Variants in AKR1C8 observed in about 807,000 individuals in gnomAD.
AKR1C8 encodes aldo-keto reductase family 1 member C-like protein 1.
chr10:5,135,472 T>C, the AKR1C8 span, among the ~76,000 whole-genome samples: 44,146 of 152,044 alleles, frequency 0.29, 7,100 homozygotes, highest in Non-Finnish European at 0.36. Flanking sequence ...AGAATAAAAT[T>C]ATTATTTTCT....
chr10:5,138,019 C>A, the AKR1C8 span, among the ~76,000 whole-genome samples: 11 of 151,698 alleles, frequency 7.3e-5, no homozygotes, highest in African/African-American at 2.4e-4. Flanking sequence ...AAGGGTCCAA[C>A]AAAGATCATA....
At chr10:5,125,171 T>G in the AKR1C8 span, among the ~76,000 whole-genome samples, 1 of 152,184 alleles carries the variant, frequency 6.6e-6, no homozygotes, top group Admixed American at 6.6e-5. Context: ...GTACTTAATA[T>G]CTTTTTATAT....
At chr10:5,150,693 T>C in the AKR1C8 span, among the ~76,000 whole-genome samples, 1 of 152,002 alleles carries the variant, frequency 6.6e-6, no homozygotes, top group Admixed American at 6.6e-5. Flanking sequence ...CAAAATAAAG[T>C]CACAGATCAC....
At chr10:5,148,382 C>T in the AKR1C8 span, among the ~76,000 whole-genome samples, 4 of 152,032 alleles carry the variant, frequency 2.6e-5, no homozygotes, top group Non-Finnish European at 5.9e-5. Flanking sequence ...CAAAAAGTAA[C>T]CCAGGCAGAT....
chr10:5,118,084 A>G, the AKR1C8 span, among the ~76,000 whole-genome samples: 1 of 152,188 alleles, frequency 6.6e-6, no homozygotes, highest in South Asian at 2.1e-4. Context: ...TTAAAATTCC[A>G]AAGTATAAAA....
At chr10:5,145,397 G>C in the AKR1C8 span, among the ~76,000 whole-genome samples, 7 of 152,136 alleles carry the variant, frequency 4.6e-5, no homozygotes, top group Non-Finnish European at 7.4e-5. Context: ...ACTACCATCA[G>C]AGTGAACAGG....
chr10:5,173,626 C>A, the AKR1C8 span, among the ~76,000 whole-genome samples: 1 of 147,094 alleles, frequency 6.8e-6, no homozygotes, highest in Non-Finnish European at 1.5e-5. Flanking sequence ...AACCGAAAAG[C>A]CAGACATACT....
the AKR1C8 span, among the ~76,000 whole-genome samples, chr10:5,169,307 AG>A: frequency 6.6e-6 from 1 of 152,072 alleles, no homozygotes; most frequent in Non-Finnish European, 1.5e-5. Context: ...GAAAGGACAA[AG>A]GGTAATGTGT....
chr10:5,160,672 G>C, the AKR1C8 span: 2 of 374,088 alleles, frequency 5.3e-6, no homozygotes, highest in South Asian at 4.1e-5. Context: ...TCACTTCACA[G>C]ATGAGAACAC....
chr10:5,161,227 A>G, the AKR1C8 span, among the ~76,000 whole-genome samples: 9 of 152,168 alleles, frequency 5.9e-5, no homozygotes, highest in Non-Finnish European at 5.9e-5. Context: ...GTTGGAATTC[A>G]TTTTGTTTCC....
the AKR1C8 span, among the ~76,000 whole-genome samples, chr10:5,169,873 CTTAG>C: frequency 6.0e-4 from 92 of 152,136 alleles, no homozygotes; most frequent in African/African-American, 2.1e-3. Context: ...GTAATTTTCA[CTTAG>C]TTACTTACTT....
chr10:5,161,261 C>T, the AKR1C8 span, among the ~76,000 whole-genome samples: 2 of 152,136 alleles, frequency 1.3e-5, no homozygotes, highest in African/African-American at 4.8e-5. Context: ...GTGTGGAGGA[C>T]AGTGCTTAAT....
chr10:5,154,387 TATA>T, the AKR1C8 span: 1 of 239,876 alleles, frequency 4.2e-6, no homozygotes, highest in Non-Finnish European at 8.9e-6. Context: ...CTTATTTAAA[TATA>T]ATCATAAAGA....
chr10:5,157,911 C>T, the AKR1C8 span: 2 of 353,734 alleles, frequency 5.7e-6, no homozygotes, highest in Non-Finnish European at 1.1e-5. Context: ...GGGCACAATA[C>T]AATTTGATTT....
chr10:5,141,471 T>C, the AKR1C8 span, among the ~76,000 whole-genome samples: 1 of 152,184 alleles, frequency 6.6e-6, no homozygotes, highest in African/African-American at 2.4e-5. Flanking sequence ...TGCTGAATTC[T>C]TTCCAGAAGG....
the AKR1C8 span, chr10:5,132,674 C>G: frequency 1.9e-6 from 3 of 1,592,702 alleles, no homozygotes; most frequent in Admixed American, 3.4e-5. Flanking sequence ...CCAGTCCAAC[C>G]TGCTCCTCAT....
chr10:5,180,378 G>T, the AKR1C8 span, among the ~76,000 whole-genome samples: 5 of 152,232 alleles, frequency 3.3e-5, no homozygotes, highest in African/African-American at 1.2e-4. Flanking sequence ...GTGTCAGTCT[G>T]CCCCTACTGG....
At chr10:5,142,474 A>G in the AKR1C8 span, among the ~76,000 whole-genome samples, 1 of 152,164 alleles carries the variant, frequency 6.6e-6, no homozygotes, top group Non-Finnish European at 1.5e-5. Context: ...GCATTCCTCA[A>G]TAAGCTTAAT....
chr10:5,182,779 A>G, the AKR1C8 span, among the ~76,000 whole-genome samples: 1 of 151,930 alleles, frequency 6.6e-6, no homozygotes, highest in East Asian at 1.9e-4. Context: ...GTGTGGCAGC[A>G]TGCACCTGTA....
Sources: allele counts gnomAD v4.1 joint callset (sites outside exome capture counted in the v4.1 genomes callset), GRCh38; gene constraint gnomAD v4.1.1; transcripts MANE v1.5; gene names NCBI Gene and HGNC (gene_info 2026-07-23, HGNC 2026-07-21).